The following WRN variants were observed in gnomAD, a reference collection of about 807,000 sequenced individuals.
WRN encodes the protein bifunctional 3'-5' exonuclease/ATP-dependent helicase WRN.
Under a neutral mutation model 180.7 loss-of-function variants are expected in WRN, and 149 were observed. That is an observed-to-expected ratio of 0.82 (90% CI 0.72 to 0.94). The LOEUF is 0.94. Among genes scored for constraint, WRN ranks in the 40% least tolerant of loss-of-function variants. The pLI is 0.00. For missense variants in WRN, 1,661 were observed against 1,700.1 expected (o/e 0.98, Z 0.40); for synonymous variants, 548 against 568.9 (o/e 0.96, Z 0.52).
chr8:31,137,819 G>T (rs1016298668), intron 24 of WRN, among the ~76,000 whole-genome samples: 1 of 151,792 alleles, frequency 6.6e-6, no homozygotes, highest in East Asian at 1.9e-4. Context: ...GGTATAATAA[G>T]AAAAAATTAG....
At chr8:31,078,232 T>C (rs890025667) in intron 8 of WRN, among the ~76,000 whole-genome samples, 1 of 152,222 alleles carries the variant, frequency 6.6e-6, no homozygotes, top group Non-Finnish European at 1.5e-5. Flanking sequence ...TGGGAAATAC[T>C]GGGTCTTGTG....
chr8:31,052,767 AC>A lies in WRN; in HGVS notation c.-76-5603del, dbSNP rs565670171. 1.8e-4 allele frequency among the ~76,000 whole-genome samples: 27 copies of A among 152,298 alleles called. 1 individual carries two copies. The highest frequency in any genetic ancestry group is 1.7e-3 in the Admixed American group (26 of 15,296). On this transcript the variant is annotated intron_variant, in intron 1 of 34. Coordinates refer to ENST00000298139, the MANE Select transcript of WRN (RefSeq NM_000553.6). ...GTGTAGTGTTCTGTTTTATGGATGTACCATACTTAATTATTTAGTCATAATT... is the reference window on the plus strand; with the variant it reads ...GTGTAGTGTTCTGTTTTATGGATGTACATACTTAATTATTTAGTCATAATT...
At chr8:31,054,771 T>C (rs1251970577) in intron 1 of WRN, among the ~76,000 whole-genome samples, 2 of 152,248 alleles carry the variant, frequency 1.3e-5, no homozygotes, top group East Asian at 3.8e-4. Context: ...CCAGGATACA[T>C]GTGCAGGACG....
At chr8:31,074,789 G>T (rs1813038379) in intron 7 of WRN, among the ~76,000 whole-genome samples, 1 of 152,158 alleles carries the variant, frequency 6.6e-6, no homozygotes, top group Non-Finnish European at 1.5e-5. Flanking sequence ...TTACTGTAAT[G>T]TGGGTAAGAG....
chr8:31,120,144 C>T (rs1801667118), intron 20 of WRN, 99 bp from the exon 21 acceptor site: 2 of 1,427,182 alleles, frequency 1.4e-6, no homozygotes, highest in South Asian at 1.2e-5. Flanking sequence ...GTGCCAGGGA[C>T]TTAAGTTAAC....
chr8:31,143,762 A>G, intron 28 of WRN, 139 bp downstream of exon 28: 1 of 615,122 alleles, frequency 1.6e-6, no homozygotes, highest in Non-Finnish European at 2.9e-6. Flanking sequence ...CAGTATTAGA[A>G]TGATCAAAGT....
chr8:31,078,870 T>C (rs1334145916), intron 8 of WRN, among the ~76,000 whole-genome samples: 2 of 152,206 alleles, frequency 1.3e-5, no homozygotes, highest in Admixed American at 6.5e-5. Context: ...ATATTAGTTA[T>C]CTTACATAAA....
chr8:31,062,826 G>A (rs777103903), intron 3 of WRN, among the ~76,000 whole-genome samples: 1 of 151,926 alleles, frequency 6.6e-6, no homozygotes, highest in Non-Finnish European at 1.5e-5. Context: ...TATGAGTTTT[G>A]TGCATTTTTT....
In WRN at chr8:31,157,531, G is replaced by A. The variant is rs1381370500; in HGVS notation, c.3982+1G>A. The A allele has an allele frequency of 1.9e-6, 3 of 1,614,046 alleles. No individual in the cohort carries two copies. The highest frequency in any genetic ancestry group is 2.5e-6 in the Non-Finnish European group (3 of 1,179,986). On this transcript the variant is annotated splice_donor_variant, in intron 33 of 34. Transcript: ENST00000298139. LOFTEE classifies it high-confidence loss of function. ...ATCCGAAACCCTCCCGTCAACTCAG[G>A]TGAGAGGCATGGCCTAGCTCTGCAC...
At chr8:31,167,339 C>A in intron 34 of WRN, 109 bp downstream of exon 34, 1 of 896,572 alleles carries the variant, frequency 1.1e-6, no homozygotes, top group Non-Finnish European at 1.7e-6. Flanking sequence ...GATATGATTA[C>A]TTTCTCTATG....
intron 17 of WRN, 84 bp from the exon 18 acceptor site, chr8:31,100,765 T>G (rs1814189929): frequency 1.8e-6 from 2 of 1,135,336 alleles, no homozygotes; most frequent in Non-Finnish European, 2.6e-6. Flanking sequence ...ATTTGGTTAT[T>G]TATTCTCCTT....
intron 33 of WRN, among the ~76,000 whole-genome samples, chr8:31,158,773 T>A (rs1406082114): frequency 6.6e-6 from 1 of 151,748 alleles, no homozygotes; most frequent in African/African-American, 2.4e-5. Context: ...AACAAACAGC[T>A]CCTTCACTTC....
chr8:31,087,550 A>T, intron 11 of WRN: 1 of 478,740 alleles, frequency 2.1e-6, no homozygotes, highest in Non-Finnish European at 3.8e-6. Flanking sequence ...GCTATTAATG[A>T]GCCTTGTTTA....
At chr8:31,140,326 A>G (rs1206312926) in intron 24 of WRN, among the ~76,000 whole-genome samples, 1 of 152,034 alleles carries the variant, frequency 6.6e-6, no homozygotes, top group Non-Finnish European at 1.5e-5. Context: ...TGGCCCATAT[A>G]CTACATATAT....
chr8:31,067,329 T>C (rs1302585068), intron 6 of WRN, 147 bp downstream of exon 6: 4 of 928,914 alleles, frequency 4.3e-6, no homozygotes, highest in Non-Finnish European at 6.5e-6. Context: ...TAGGAAGACA[T>C]TTAGTGAAAC....
intron 18 of WRN, among the ~76,000 whole-genome samples, chr8:31,102,130 T>C (rs1800897827): frequency 6.6e-6 from 1 of 152,230 alleles, no homozygotes; most frequent in South Asian, 2.1e-4. Flanking sequence ...TTTAATCTCA[T>C]GTACATTTGT....
chr8:31,116,610 T>G, intron 20 of WRN, 82 bp downstream of exon 20: 1 of 1,565,658 alleles, frequency 6.4e-7, no homozygotes, highest in Non-Finnish European at 8.7e-7. Context: ...CAGATCTTTA[T>G]TGAATACTTT....
intron 16 of WRN, among the ~76,000 whole-genome samples, chr8:31,093,112 A>C (rs1200714334): frequency 6.6e-6 from 1 of 151,762 alleles, no homozygotes; most frequent in Non-Finnish European, 1.5e-5. Context: ...CTAATTATTA[A>C]ATTTTTTGTA....
At chr8:31,059,066 G>T in intron 2 of WRN, 87 bp from the exon 3 acceptor site, 2 of 977,342 alleles carry the variant, frequency 2.0e-6, no homozygotes, top group Admixed American at 3.4e-5. Flanking sequence ...ACTATAAATT[G>T]AATGCTTCAG....
Sources: allele counts gnomAD v4.1 joint callset (sites outside exome capture counted in the v4.1 genomes callset), GRCh38; gene constraint gnomAD v4.1.1; transcripts MANE v1.5; gene names NCBI Gene and HGNC (gene_info 2026-07-23, HGNC 2026-07-21).